Variants in STAP2 observed in about 807,000 individuals in gnomAD.
STAP2 encodes signal transducing adaptor family member 2.
A neutral mutation model predicts 52.7 loss-of-function variants in STAP2; 58 were observed. The ratio of observed to expected loss-of-function variants is 1.10; its 90% CI spans 0.89 to 1.37. The LOEUF (loss-of-function observed/expected upper bound fraction) is 1.37. Ranked by LOEUF, STAP2 falls within the 40% of genes most tolerant of loss-of-function variation. The pLI, the probability that STAP2 is intolerant of heterozygous loss-of-function variation, is 0.00. For synonymous variants in STAP2, 231 were observed against 210.5 expected, an observed-to-expected ratio of 1.10 and a Z score of -0.84; for missense variants, 522 against 519.4, an observed-to-expected ratio of 1.00 and a Z score of -0.05.
At position 4,327,229 on chromosome 19, in the gene STAP2, G is replaced by C; in HGVS notation, c.661-3C>G. The C allele has an allele frequency of 6.2e-7, 1 of 1,614,048 alleles. No homozygotes were observed. Among genetic ancestry groups the C allele is most frequent in the Non-Finnish European group, 8.5e-7 (1 of 1,180,006 alleles). On this transcript the variant is annotated splice_polypyrimidine_tract_variant and splice_region_variant and intron_variant, in intron 7 of 12. Coordinates refer to ENST00000594605, the MANE Select transcript of STAP2 (RefSeq NM_001013841.2). ...GCGTCCAGGGAGGTGCAAGAGAACT[G>C]GGGGCAGATGGGGGAGCGGTCAGGC...
At chr19:4,335,729 T>C (rs186114121) in intron 1 of STAP2, among the ~76,000 whole-genome samples, 9 of 152,258 alleles carry the variant, frequency 5.9e-5, no homozygotes, top group Non-Finnish European at 1.0e-4. Flanking sequence ...ATTTGAGCTG[T>C]CTTTGTCTGT....
chr19:4,338,799 C>T lies in STAP2; in HGVS notation c.-46G>A, dbSNP rs780027887. On this transcript the variant is annotated 5_prime_UTR_variant, in exon 1 of 13. Transcript: ENST00000594605. Reference sequence around the variant, plus strand: ...CCTGGCCTCTCCTTCCAGTGGGTGCCCCAGCTGGGCCGGGAAGCTGAGAAA... The same window carrying T: ...CCTGGCCTCTCCTTCCAGTGGGTGCTCCAGCTGGGCCGGGAAGCTGAGAAA... 97 of 1,577,996 alleles carry T rather than the reference C, an allele frequency of 6.1e-5. No homozygotes were observed. Among genetic ancestry groups the T allele is most frequent in the Non-Finnish European group, 7.9e-5 (91 of 1,158,030 alleles).
At position 4,338,694 on chromosome 19, in the gene STAP2, G is replaced by A. The variant is rs1158413842; in HGVS notation, c.60C>T (p.His20=). 1 of 1,613,702 alleles carries A rather than the reference G, an allele frequency of 6.2e-7. No individual in the cohort carries two copies. The highest frequency in any genetic ancestry group is 1.7e-5 in the Admixed American group (1 of 59,988). Residue 20 remains histidine, a synonymous_variant, in exon 1 of 13, where the codon CAC becomes CAT. Coordinates refer to ENST00000594605, the MANE Select transcript of STAP2 (RefSeq NM_001013841.2). ...VPKPKGVLPS[H]YYESFLEKKG... ...TCTTCTCTAGAAAGCTCTCATAGTA[G>A]TGTGAAGGCAGGACACCCTTAGGCT...
intron 1 of STAP2, among the ~76,000 whole-genome samples, chr19:4,336,469 C>T (rs1261557443): frequency 6.6e-6 from 1 of 150,984 alleles, no homozygotes; most frequent in Non-Finnish European, 1.5e-5. Context: ...AGGTGCACAC[C>T]ACCACGCCCA....
chr19:4,330,412 C>T (rs1224910899), intron 4 of STAP2, among the ~76,000 whole-genome samples: 1 of 151,756 alleles, frequency 6.6e-6, no homozygotes, highest in Non-Finnish European at 1.5e-5. Context: ...ATCCCAGCTA[C>T]TCGGGAGGCT....
At chr19:4,325,044 C>T (rs1349142225) in intron 11 of STAP2, 172 bp downstream of exon 11, 6 of 596,824 alleles carry the variant, frequency 1.0e-5, no homozygotes, top group Non-Finnish European at 1.8e-5. Flanking sequence ...GAGGCTGAGG[C>T]AGGAGAATGG....
At chr19:4,333,185 AAAAAAT>A (rs888347328) in intron 3 of STAP2, among the ~76,000 whole-genome samples, 33 of 148,106 alleles carry the variant, frequency 2.2e-4, no homozygotes, top group African/African-American at 5.8e-4. Flanking sequence ...AGCGAAACTC[AAAAAAT>A]AAAAATAAAA....
intron 1 of STAP2, among the ~76,000 whole-genome samples, chr19:4,334,861 CAATG>C (rs1226504522): frequency 2.3e-4 from 7 of 30,238 alleles, no homozygotes; most frequent in Non-Finnish European, 4.2e-4. Flanking sequence ...ACTCATCTAT[CAATG>C]CATCCCTCCA....
chr19:4,325,304 AGC>A lies in STAP2; in HGVS notation c.982_983del (p.Ala328PhefsTer3). 6.2e-7 allele frequency: 1 copy of A among 1,614,204 alleles called. No homozygotes were observed. On this transcript the variant is annotated frameshift_variant and splice_region_variant, in exon 11 of 13. Transcript: ENST00000594605. LOFTEE classifies it high-confidence loss of function. The part of the protein sequence containing the change: ...PAVDYENQDV[A>X]SSSWPVILKP... ...TCAGGATGACTGGCCAACTAGAGGA[AGC>A]CACTGCGTGGACAAAAGTGTAACGT... is the stretch of plus-strand genomic sequence containing the variant.
chr19:4,333,400 G>T (rs1011167011), intron 3 of STAP2, among the ~76,000 whole-genome samples: 1 of 152,102 alleles, frequency 6.6e-6, no homozygotes, highest in Non-Finnish European at 1.5e-5. Flanking sequence ...GGAGGCTGAG[G>T]CAGGAGAATC....
At chr19:4,326,916 C>G (rs953026619) in intron 9 of STAP2, 26 bp downstream of exon 9, 1 of 1,550,498 alleles carries the variant, frequency 6.4e-7, no homozygotes, top group African/African-American at 1.4e-5. Context: ...TCCCTCCCAC[C>G]TCGGCCCGCG....
At chr19:4,338,589 CAGAG>C (rs3834985) in intron 1 of STAP2, 59 bp downstream of exon 1, 366,822 of 1,148,216 alleles carry the variant, frequency 0.32, 54,432 homozygotes, top group East Asian at 0.55. Flanking sequence ...GACAGGGACT[CAGAG>C]AGGTGCCGCA....
chr19:4,325,681 TG>T (rs2144778991), intron 9 of STAP2, 136 bp from the exon 10 acceptor site: 1 of 1,151,610 alleles, frequency 8.7e-7, no homozygotes, highest in East Asian at 2.5e-5. Context: ...TGTATAAGTC[TG>T]TGTCTGGGCC....
intron 6 of STAP2, 121 bp downstream of exon 6, chr19:4,328,554 G>T (rs1044069456): frequency 1.6e-5 from 22 of 1,366,370 alleles, no homozygotes; most frequent in Non-Finnish European, 2.0e-5. Context: ...CTCGGCTCTG[G>T]CTCCGTCCCC....
At chr19:4,326,443 C>T (rs1325562248) in intron 9 of STAP2, among the ~76,000 whole-genome samples, 1 of 152,132 alleles carries the variant, frequency 6.6e-6, no homozygotes, top group Non-Finnish European at 1.5e-5. Context: ...CGCTACATTC[C>T]TTTCTAGTGT....
chr19:4,328,559 G>C (rs1971833828), intron 6 of STAP2, 116 bp downstream of exon 6: 3 of 1,393,632 alleles, frequency 2.2e-6, no homozygotes, highest in Non-Finnish European at 2.9e-6. Context: ...CTCTGGCTCC[G>C]TCCCCTGGCC....
At chr19:4,329,919 C>A in intron 5 of STAP2, 42 bp downstream of exon 5, 1 of 1,565,730 alleles carries the variant, frequency 6.4e-7, no homozygotes, top group East Asian at 2.3e-5. Flanking sequence ...AACCACCTCC[C>A]GTCCCCATCC....
chr19:4,325,394 A>C lies in STAP2; in HGVS notation c.979+2T>G. The C allele has an allele frequency of 6.2e-7, 1 of 1,614,060 alleles. No homozygotes were observed. The highest frequency in any genetic ancestry group is 1.3e-5 in the African/African-American group (1 of 74,998). ...CTCTCAGCAGCTCTGTTCCCCACCC[A>C]CCATCTTGGTTCTCATAGTCAACAG... On this transcript the variant is annotated splice_donor_variant, in intron 10 of 12. Transcript: ENST00000594605. LOFTEE classifies it high-confidence loss of function.
At chr19:4,338,419 G>A (rs55755394) in intron 1 of STAP2, among the ~76,000 whole-genome samples, 57,383 of 152,082 alleles carry the variant, frequency 0.38, 11,070 homozygotes, top group East Asian at 0.61. Context: ...AGAGACAGAC[G>A]GGGCCAGGGA....
Sources: allele counts gnomAD v4.1 joint callset (sites outside exome capture counted in the v4.1 genomes callset), GRCh38; gene constraint gnomAD v4.1.1; transcripts MANE v1.5; gene names NCBI Gene and HGNC (gene_info 2026-07-23, HGNC 2026-07-21).